The following DOCK2 variants were observed in gnomAD, a reference collection of about 807,000 sequenced individuals.
DOCK2 encodes the protein dedicator of cytokinesis protein 2.
DOCK2 carries 87 observed loss-of-function variants against 248.9 expected under a neutral mutation model. The observed-to-expected ratio is 0.35, with a 90% CI of 0.29 to 0.42. DOCK2 has a LOEUF of 0.42. Among genes scored for constraint, DOCK2 ranks in the 10% least tolerant of loss-of-function variants. DOCK2 has a pLI of 1.00. For synonymous variants in DOCK2, 805 were observed against 821.6 expected, an observed-to-expected ratio of 0.98 and a Z score of 0.35; for missense variants, 1,747 against 2,300.2, an observed-to-expected ratio of 0.76 and a Z score of 4.92.
chr5:170,082,594 TC>T (rs2113881969), intron 51 of DOCK2, among the ~76,000 whole-genome samples: 1 of 152,278 alleles, frequency 6.6e-6, no homozygotes, highest in East Asian at 1.9e-4. Context: ...GGTGCCCAAG[TC>T]CACATGGCTA....
intron 25 of DOCK2, among the ~76,000 whole-genome samples, chr5:169,788,263 G>A (rs898714962): frequency 3.9e-5 from 6 of 152,122 alleles, no homozygotes; most frequent in African/African-American, 7.2e-5. Flanking sequence ...TTTGGCAGAC[G>A]CTTGACACAT....
At chr5:170,007,957 C>T (rs1213739800) in intron 30 of DOCK2, among the ~76,000 whole-genome samples, 3 of 152,270 alleles carry the variant, frequency 2.0e-5, no homozygotes, top group African/African-American at 7.2e-5. Flanking sequence ...GGCAACCACA[C>T]TTTGAAACTA....
chr5:169,837,574 G>A (rs140754926), intron 26 of DOCK2, among the ~76,000 whole-genome samples: 5 of 152,182 alleles, frequency 3.3e-5, no homozygotes, highest in African/African-American at 9.6e-5. Context: ...ACTTACTGAG[G>A]GCTTACTATA....
chr5:169,828,071 T>C (rs890257053), intron 26 of DOCK2, among the ~76,000 whole-genome samples: 1 of 152,096 alleles, frequency 6.6e-6, no homozygotes, highest in Admixed American at 6.6e-5. Context: ...TTTATACAGA[T>C]AGGTTTCTGG....
chr5:169,714,866 C>A (rs1447537478), intron 19 of DOCK2, among the ~76,000 whole-genome samples: 1 of 152,024 alleles, frequency 6.6e-6, no homozygotes, highest in Non-Finnish European at 1.5e-5. Context: ...GCATATAAAA[C>A]AAAGTTCAAT....
At chr5:169,921,678 C>T (rs1031646121) in intron 27 of DOCK2, among the ~76,000 whole-genome samples, 1 of 152,184 alleles carries the variant, frequency 6.6e-6, no homozygotes. Context: ...GAGAGGAGCA[C>T]TTGGGAGAAG....
chr5:169,854,365 A>G (rs750665446), intron 27 of DOCK2, among the ~76,000 whole-genome samples: 2 of 151,868 alleles, frequency 1.3e-5, no homozygotes, highest in South Asian at 4.2e-4. Flanking sequence ...TTTGTATTTT[A>G]GTAGAGACGG....
chr5:169,657,029 ATAAT>A (rs1348315308), intron 2 of DOCK2, among the ~76,000 whole-genome samples: 2 of 152,350 alleles, frequency 1.3e-5, no homozygotes, highest in African/African-American at 4.8e-5. Context: ...TAAATGGCTA[ATAAT>A]TTATTAATTA....
intron 1 of DOCK2, among the ~76,000 whole-genome samples, chr5:169,642,976 G>A (rs1757231065): frequency 6.6e-6 from 1 of 152,078 alleles, no homozygotes; most frequent in African/African-American, 2.4e-5. Flanking sequence ...TTACACATGG[G>A]TGCCACAGTC....
At chr5:169,718,570 C>T (rs777686457) in intron 21 of DOCK2, 87 bp from the exon 22 acceptor site, 3 of 1,478,124 alleles carry the variant, frequency 2.0e-6, no homozygotes, top group Non-Finnish European at 2.7e-6. Context: ...CCACCTTTAA[C>T]CTTTGATTGA....
chr5:169,909,131 T>A (rs1774454891), intron 27 of DOCK2, among the ~76,000 whole-genome samples: 1 of 152,212 alleles, frequency 6.6e-6, no homozygotes, highest in Admixed American at 6.5e-5. Context: ...TTGCTGTGCC[T>A]CCATTTCTAA....
chr5:169,775,715 G>A (rs1374736758), intron 25 of DOCK2, among the ~76,000 whole-genome samples: 1 of 151,778 alleles, frequency 6.6e-6, no homozygotes, highest in Non-Finnish European at 1.5e-5. Context: ...TGGAAACAGG[G>A]CTGTTGGAAC....
At chr5:170,066,816 C>T (rs768376895) in intron 44 of DOCK2, among the ~76,000 whole-genome samples, 3 of 152,110 alleles carry the variant, frequency 2.0e-5, no homozygotes, top group Non-Finnish European at 4.4e-5. Flanking sequence ...GTGCTTTTGC[C>T]CTACAATAAC....
At chr5:169,816,561 A>C (rs1485087238) in intron 26 of DOCK2, among the ~76,000 whole-genome samples, 1 of 152,182 alleles carries the variant, frequency 6.6e-6, no homozygotes, top group African/African-American at 2.4e-5. Context: ...TTCTGCCTGC[A>C]GTTTACATTC....
At chr5:169,787,706 C>CTTT (rs71575577) in intron 25 of DOCK2, among the ~76,000 whole-genome samples, 1 of 136,556 alleles carries the variant, frequency 7.3e-6, no homozygotes, top group Non-Finnish European at 1.6e-5. Context: ...TCCACTTTTG[C>CTTT]TTTTTTTTTT....
At chr5:169,674,797 A>G (rs13152998) in intron 6 of DOCK2, among the ~76,000 whole-genome samples, 40,680 of 152,144 alleles carry the variant, frequency 0.27, 5,626 homozygotes, top group Middle Eastern at 0.36. Context: ...TTAAATCCCA[A>G]TGTGAGACTT....
At chr5:169,637,701 G>T (rs569515842) in intron 1 of DOCK2, among the ~76,000 whole-genome samples, 1 of 152,298 alleles carries the variant, frequency 6.6e-6, no homozygotes, top group Admixed American at 6.5e-5. Context: ...TCGCCGCGTG[G>T]GAGACTTGGC....
chr5:169,687,085 A>G (rs1760029041), intron 8 of DOCK2, among the ~76,000 whole-genome samples: 1 of 152,172 alleles, frequency 6.6e-6, no homozygotes, highest in South Asian at 2.1e-4. Flanking sequence ...TTCTCCTGGA[A>G]GAAAATTGCT....
At chr5:169,678,712 G>C (rs1457032523) in intron 6 of DOCK2, among the ~76,000 whole-genome samples, 3 of 152,188 alleles carry the variant, frequency 2.0e-5, no homozygotes, top group Non-Finnish European at 4.4e-5. Context: ...GAGTTCAAGT[G>C]CTTGACTGCT....
Sources: allele counts gnomAD v4.1 joint callset (sites outside exome capture counted in the v4.1 genomes callset), GRCh38; gene constraint gnomAD v4.1.1; transcripts MANE v1.5; gene names NCBI Gene and HGNC (gene_info 2026-07-23, HGNC 2026-07-21).